ZNF529: variants seen among roughly 807,000 people sequenced by gnomAD.
The protein encoded by ZNF529 is zinc finger protein 529.
ZNF529 carries 11 observed loss-of-function variants against 10.1 expected under a neutral mutation model. The observed-to-expected ratio is 1.09, with a 90% CI of 0.69 to 1.81. The LOEUF (loss-of-function observed/expected upper bound fraction) is 1.81. Among genes scored for constraint, ZNF529 ranks in the 40% most tolerant of loss-of-function variants. The pLI is 0.00. For missense variants in ZNF529, 624 were observed against 666.8 expected, an observed-to-expected ratio of 0.94 and a Z score of 0.71; for synonymous variants, 204 against 215.7, an observed-to-expected ratio of 0.95 and a Z score of 0.47.
At chr19:36,548,654 A>G (rs1007208158) in intron 4 of ZNF529, among the ~76,000 whole-genome samples, 1 of 152,226 alleles carries the variant, frequency 6.6e-6, no homozygotes, top group East Asian at 1.9e-4. Flanking sequence ...TAATCCATAT[A>G]TACTAACACT....
intron 1 of ZNF529, 78 bp from the exon 2 acceptor site, chr19:36,572,470 A>G (rs2036158117): frequency 8.7e-7 from 1 of 1,149,458 alleles, no homozygotes; most frequent in Non-Finnish European, 1.3e-6. Flanking sequence ...CCACCAGAAA[A>G]GCCCATCACA....
intron 1 of ZNF529, among the ~76,000 whole-genome samples, chr19:36,572,726 CTAT>C (rs1568603788): frequency 2.4e-5 from 3 of 124,002 alleles, no homozygotes; most frequent in South Asian, 2.5e-4. Context: ...TCTTATCTAT[CTAT>C]CTATCTATCT....
intron 2 of ZNF529, among the ~76,000 whole-genome samples, chr19:36,584,061 C>T (rs2036526460): frequency 6.6e-6 from 1 of 151,756 alleles, no homozygotes; most frequent in African/African-American, 2.4e-5. Context: ...GATCTAACAC[C>T]TAGACACATC....
chr19:36,560,587 T>C (rs2035652333), intron 2 of ZNF529, among the ~76,000 whole-genome samples: 1 of 150,526 alleles, frequency 6.6e-6, no homozygotes, highest in East Asian at 1.9e-4. Context: ...TTCTTCTCAT[T>C]TTTTTTTAAA....
Position 36,545,998 on chromosome 19 carries a change from A to ATCTAGTGGCACTATATATACACAC in ZNF529, c.*867_*868insGTGTGTATATATAGTGCCACTAGA. ...CCAATATAACACACATACACACTAT[A>ATCTAGTGGCACTATATATACACAC]TATATATAGTGCCCAGTATATAGTG... On this transcript the variant is annotated 3_prime_UTR_variant, in exon 5 of 5. Coordinates refer to ENST00000591340, the MANE Select transcript of ZNF529 (RefSeq NM_020951.5). The ATCTAGTGGCACTATATATACACAC allele has an allele frequency of 6.6e-6, 1 of 151,006 alleles. No individual in the cohort carries two copies. Among genetic ancestry groups the ATCTAGTGGCACTATATATACACAC allele is most frequent in the South Asian group, 2.1e-4 (1 of 4,816 alleles). 9.4% of individuals were successfully genotyped at this position (151,006 alleles called of 1,614,324 possible). A position where few individuals can be genotyped will look rare whatever the true frequency, so the allele number is the denominator to read the frequency against.
At chr19:36,587,654 C>A (rs2036611045) in intron 2 of ZNF529, among the ~76,000 whole-genome samples, 1 of 152,126 alleles carries the variant, frequency 6.6e-6, no homozygotes, top group Non-Finnish European at 1.5e-5. Context: ...CATATCCTTA[C>A]CACACTTTAG....
intron 2 of ZNF529, among the ~76,000 whole-genome samples, chr19:36,562,039 C>T (rs546911021): frequency 6.6e-6 from 1 of 152,146 alleles, no homozygotes; most frequent in Admixed American, 6.5e-5. Flanking sequence ...AGTTCAAGAC[C>T]AGCCTGACCA....
chr19:36,564,631 C>T (rs1466835850), intron 2 of ZNF529, among the ~76,000 whole-genome samples: 4 of 152,188 alleles, frequency 2.6e-5, no homozygotes, highest in Non-Finnish European at 4.4e-5. Flanking sequence ...AAAGGGAATG[C>T]TTACACACTG....
rs773272903 is a variant in ZNF529 at position 36,547,497 on chromosome 19, A to G, written c.1061T>C (p.Ile354Thr). 24 of 1,613,248 alleles carry G rather than the reference A, an allele frequency of 1.5e-5. No individual in the cohort carries two copies. Among genetic ancestry groups the G allele is most frequent in the Non-Finnish European group, 1.8e-5 (21 of 1,179,404 alleles). Reference protein sequence around the residue: ...EKVFRISSQLIEHQRIHTGEK... With the variant: ...EKVFRISSQLTEHQRIHTGEK... ...ACCAGTGTGAATTCTCTGATGTTCA[A>G]TGAGCTGTGAACTAATTCTAAAAAC... Residue 354 changes from isoleucine (I) to threonine (T), a missense_variant, in exon 5 of 5, where the codon ATT (isoleucine) becomes ACT (threonine). Coordinates refer to ENST00000591340, the MANE Select transcript of ZNF529 (RefSeq NM_020951.5).
intron 1 of ZNF529, chr19:36,594,121 G>C (rs1403408847): frequency 6.6e-6 from 1 of 152,164 alleles, no homozygotes; most frequent in Admixed American, 6.6e-5. Context: ...TGAGATAACA[G>C]AGGGAGAAAA....
chr19:36,574,763 A>G (rs1568606942), upstream of ZNF529: 2 of 468,764 alleles, frequency 4.3e-6, no homozygotes, highest in Non-Finnish European at 8.9e-6. Context: ...CCATTGTGCA[A>G]ATATACCACA....
At chr19:36,588,297 A>G (rs2036626433) in intron 2 of ZNF529, among the ~76,000 whole-genome samples, 1 of 152,186 alleles carries the variant, frequency 6.6e-6, no homozygotes, top group Non-Finnish European at 1.5e-5. Flanking sequence ...TTACTAGTTT[A>G]GTATATGGTC....
Position 36,547,341 on chromosome 19 carries a change from C to T in ZNF529, c.1217G>A (p.Ser406Asn). 6.2e-7 allele frequency: 1 copy of T among 1,613,840 alleles called. No individual in the cohort carries two copies. ...CKACGKVFRN[S>N]SSLTRHQRIH... ...CCTCTGATGTCTAGTCAGGGATGAA[C>T]TATTTCTAAAGACCTTTCCACATGC... is the stretch of plus-strand genomic sequence containing the variant. Residue 406 changes from serine (S) to asparagine (N), a missense_variant, in exon 5 of 5, where the codon AGT becomes AAT. Transcript: ENST00000591340.
intron 2 of ZNF529, among the ~76,000 whole-genome samples, chr19:36,569,549 G>A (rs561137987): frequency 1.3e-5 from 2 of 152,078 alleles, no homozygotes; most frequent in East Asian, 1.9e-4. Context: ...CAAACAACAC[G>A]AGGCCAGGAT....
At chr19:36,560,113 C>T (rs1484875882) in intron 2 of ZNF529, among the ~76,000 whole-genome samples, 2 of 151,860 alleles carry the variant, frequency 1.3e-5, no homozygotes, top group Non-Finnish European at 1.5e-5. Flanking sequence ...AAAAATTAGC[C>T]GGGTGTGGTG....
intron 1 of ZNF529, chr19:36,604,855 C>T (rs1469334723): frequency 6.6e-6 from 1 of 152,274 alleles, no homozygotes; most frequent in East Asian, 1.9e-4. Context: ...AGGGCTGTCC[C>T]GGGCTGTGCA....
At chr19:36,582,469 G>C (rs1390919821) in intron 2 of ZNF529, 1 of 152,164 alleles carries the variant, frequency 6.6e-6, no homozygotes, top group Non-Finnish European at 1.5e-5. Flanking sequence ...ACTGTGGGAG[G>C]CTGAGACGGG....
At chr19:36,565,097 A>C (rs528977211) in intron 2 of ZNF529, among the ~76,000 whole-genome samples, 2 of 152,256 alleles carry the variant, frequency 1.3e-5, no homozygotes, top group South Asian at 4.1e-4. Context: ...TAGAGGCGGG[A>C]GGGAGGGAGA....
At chr19:36,587,288 A>G (rs1179910081) in intron 2 of ZNF529, 1 of 151,272 alleles carries the variant, frequency 6.6e-6, no homozygotes, top group African/African-American at 2.4e-5. Context: ...AAAAAATCCC[A>G]TTAGGGAAAT....
Sources: gnomAD v4.1 joint callset for allele counts (sites outside exome capture counted in the v4.1 genomes callset) on GRCh38, gnomAD v4.1.1 for gene constraint, MANE v1.5 for transcripts, NCBI Gene and HGNC (gene_info 2026-07-23, HGNC 2026-07-21) for gene names.